LRIG1: variants seen among roughly 807,000 people sequenced by gnomAD.
The protein encoded by LRIG1 is leucine-rich repeats and immunoglobulin-like domains protein 1.
LRIG1 carries 48 observed loss-of-function variants against 99.2 expected under a neutral mutation model. That is an observed-to-expected ratio of 0.48 (90% CI 0.38 to 0.62). The LOEUF (loss-of-function observed/expected upper bound fraction) is 0.62. LRIG1 is among the 20% of genes least tolerant of loss of function. The pLI, the probability that LRIG1 is intolerant of heterozygous loss-of-function variation, is 0.00. For synonymous variants in LRIG1, 772 were observed against 596.1 expected (o/e 1.29, Z -4.30); for missense variants, 1,646 against 1,434.4 (o/e 1.15, Z -2.38).
intron 3 of LRIG1, among the ~76,000 whole-genome samples, chr3:66,435,161 C>T (rs4856817): frequency 0.96 from 145,990 of 152,270 alleles, 70,145 homozygotes; most frequent in Non-Finnish European, 1. Context: ...CAGGGAATTA[C>T]GCTGAGTGAA....
intron 12 of LRIG1, among the ~76,000 whole-genome samples, chr3:66,392,187 T>A (rs1701645714): frequency 6.6e-6 from 1 of 152,242 alleles, no homozygotes; most frequent in Non-Finnish European, 1.5e-5. Context: ...CTTTTGTTTA[T>A]CCAGTCATCC....
Position 66,379,189 on chromosome 3 carries a change from A to T in LRIG1, c.*1074T>A, listed in dbSNP as rs758881717. On this transcript the variant is annotated 3_prime_UTR_variant, in exon 19 of 19. Transcript: ENST00000273261. ...ATAAGATGGTTAGCTACCAGTCTCA[A>T]AAGTGCAAATTATACCCAGAACCCA... The T allele has an allele frequency of 6.6e-6, 1 of 152,646 alleles. No individual in the cohort carries two copies. The highest frequency in any genetic ancestry group is 2.4e-5 in the African/African-American group (1 of 41,440). The allele number at this position is 152,646 out of a possible 1,614,324, so 9.5% of individuals were successfully genotyped here.
At chr3:66,404,890 G>C (rs1461472193) in intron 9 of LRIG1, among the ~76,000 whole-genome samples, 1 of 152,142 alleles carries the variant, frequency 6.6e-6, no homozygotes. Context: ...TTTGTACAAA[G>C]GGCAACAGCA....
chr3:66,414,901 T>TGTAG lies in LRIG1; in HGVS notation c.647+15_647+18dup, dbSNP rs757091312. On this transcript the variant is annotated intron_variant, in intron 5 of 18. Coordinates refer to ENST00000273261, the MANE Select transcript of LRIG1 (RefSeq NM_015541.3). ...AAAGTTTGGCTAGCCTTAATTAAAG[T>TGTAG]GTAGGTTTCTGTACTCACAGTTGTG... The TGTAG allele has an allele frequency of 1.9e-6, 3 of 1,560,154 alleles. No homozygotes were observed. Among genetic ancestry groups the TGTAG allele is most frequent in the African/African-American group, 2.8e-5 (2 of 72,628 alleles).
At chr3:66,494,562 G>A (rs1286545454) in intron 1 of LRIG1, among the ~76,000 whole-genome samples, 1 of 152,196 alleles carries the variant, frequency 6.6e-6, no homozygotes, top group Non-Finnish European at 1.5e-5. Flanking sequence ...TTAAAAAACT[G>A]AAGGACTTCT....
intron 2 of LRIG1, among the ~76,000 whole-genome samples, chr3:66,451,920 C>T (rs1223518406): frequency 2.0e-5 from 3 of 152,158 alleles, no homozygotes; most frequent in Non-Finnish European, 4.4e-5. Flanking sequence ...AGACAAGGAA[C>T]AGTGAGAACA....
At chr3:66,381,448 G>A (rs777923481) in intron 17 of LRIG1, 31 bp downstream of exon 17, 1 of 1,595,604 alleles carries the variant, frequency 6.3e-7, no homozygotes, top group Non-Finnish European at 8.6e-7. Context: ...ATTTCAGAAA[G>A]AAACTACTTC....
At position 66,380,014 on chromosome 3, in the gene LRIG1, A is replaced by AAAAG; in HGVS notation, c.*245_*248dup. On this transcript the variant is annotated 3_prime_UTR_variant, in exon 19 of 19. Coordinates refer to ENST00000273261, the MANE Select transcript of LRIG1 (RefSeq NM_015541.3). ...CACTAAAGATTAAAATAGCCTCTGT[A>AAAAG]AAAGATATATATGAAATCTCTGAAA... 9.0e-6 allele frequency: 3 copies of AAAAG among 334,072 alleles called. No homozygotes were observed. The highest frequency in any genetic ancestry group is 1.6e-5 in the Non-Finnish European group (3 of 183,860). 20.7% of individuals were successfully genotyped at this position (334,072 alleles called of 1,614,324 possible).
rs148624428 is a variant in LRIG1 at position 66,383,195 on chromosome 3, G to A, written c.2278C>T (p.Arg760Ter). The A allele has an allele frequency of 5.6e-6, 9 of 1,614,188 alleles. No homozygotes were observed. Among genetic ancestry groups the A allele is most frequent in the African/African-American group, 1.3e-5 (1 of 75,050 alleles). The change falls in exon 15 of 19, where the codon CGA becomes TGA. Residue 760 changes from arginine to a stop codon, truncating the protein, a stop_gained. Transcript: ENST00000273261. LOFTEE classifies it high-confidence loss of function. The part of the protein sequence containing the change: ...VQNVVAEDAG[R>*]YTCEMSNTLG... ...GTGTTGGACATCTCACAGGTATATCGGCCCGCATCCTCTGCCACCACGTTC... is the reference window on the plus strand; with the variant it reads ...GTGTTGGACATCTCACAGGTATATCAGCCCGCATCCTCTGCCACCACGTTC...
intron 2 of LRIG1, among the ~76,000 whole-genome samples, chr3:66,451,947 C>T (rs1219458946): frequency 3.3e-5 from 5 of 152,148 alleles, no homozygotes; most frequent in East Asian, 1.9e-4. Context: ...GAGGCAGGTT[C>T]GGGACAAAAG....
intron 3 of LRIG1, among the ~76,000 whole-genome samples, chr3:66,429,186 T>C (rs577815323): frequency 6.6e-6 from 1 of 152,316 alleles, no homozygotes; most frequent in East Asian, 1.9e-4. Context: ...CCCATGAGAC[T>C]ACCTAACCCC....
intron 3 of LRIG1, among the ~76,000 whole-genome samples, chr3:66,440,011 A>C (rs1703488374): frequency 6.8e-6 from 1 of 147,592 alleles, no homozygotes; most frequent in African/African-American, 2.7e-5. Context: ...ACCTGGTGAG[A>C]AAGAAAGAGG....
At chr3:66,486,615 G>A (rs555160276) in intron 1 of LRIG1, among the ~76,000 whole-genome samples, 1 of 152,208 alleles carries the variant, frequency 6.6e-6, no homozygotes, top group Non-Finnish European at 1.5e-5. Flanking sequence ...ATTCTGAATA[G>A]CTGATGTTTA....
chr3:66,398,015 T>C, intron 11 of LRIG1, 97 bp downstream of exon 11: 2 of 991,184 alleles, frequency 2.0e-6, no homozygotes, highest in Non-Finnish European at 1.6e-6. Flanking sequence ...ATGTACCATG[T>C]GAACTTTTAA....
intron 12 of LRIG1, among the ~76,000 whole-genome samples, chr3:66,393,114 C>T (rs1291152964): frequency 6.6e-6 from 1 of 152,120 alleles, no homozygotes; most frequent in Non-Finnish European, 1.5e-5. Flanking sequence ...ACTGGCTACT[C>T]CAGCAGGCAC....
intron 8 of LRIG1, chr3:66,406,415 T>C (rs956926961): frequency 1.0e-6 from 1 of 985,426 alleles, no homozygotes; most frequent in Non-Finnish European, 1.2e-6. Context: ...TTGGGCCTTG[T>C]ATGGGCTCAC....
At chr3:66,411,333 T>C (rs1326096761) in intron 6 of LRIG1, among the ~76,000 whole-genome samples, 2 of 152,224 alleles carry the variant, frequency 1.3e-5, no homozygotes, top group African/African-American at 4.8e-5. Context: ...ACTTAATGTA[T>C]AAATAACCTC....
rs1701180021 is a variant in LRIG1 at position 66,494,321 on chromosome 3, G to T, written c.218+5869C>A. ...AGAATTAACTTTCAACCCCTTCACCGCCACTCCTTAATGACGAGTGTGAGT... is the reference window on the plus strand; with the variant it reads ...AGAATTAACTTTCAACCCCTTCACCTCCACTCCTTAATGACGAGTGTGAGT... On this transcript the variant is annotated intron_variant, in intron 1 of 18. Coordinates refer to ENST00000273261, the MANE Select transcript of LRIG1 (RefSeq NM_015541.3). 2.0e-5 allele frequency among the ~76,000 whole-genome samples: 3 copies of T among 152,270 alleles called. No individual in the cohort carries two copies. The South Asian group carries it at 6.2e-4, about 32-fold the overall frequency.
At chr3:66,388,447 G>T (rs557963434) in intron 12 of LRIG1, among the ~76,000 whole-genome samples, 1 of 152,136 alleles carries the variant, frequency 6.6e-6, no homozygotes, top group Admixed American at 6.5e-5. Context: ...AAGAGAAAAA[G>T]TATCTGCAAA....
Sources: allele counts gnomAD v4.1 joint callset (sites outside exome capture counted in the v4.1 genomes callset), GRCh38; gene constraint gnomAD v4.1.1; transcripts MANE v1.5; gene names NCBI Gene and HGNC (gene_info 2026-07-23, HGNC 2026-07-21).